Variants in KBTBD11 observed in about 807,000 individuals in gnomAD.
The protein encoded by KBTBD11 is kelch repeat and BTB domain containing 11, also known as kelch repeat and BTB domain-containing protein 11.
For synonymous variants in KBTBD11, 747 were observed against 499.0 expected (o/e 1.50, Z -6.63); for missense variants, 1,390 against 1,001.8 (o/e 1.39, Z -5.23).
At chr8:1,997,541 C>T (rs574067391) in intron 1 of KBTBD11, among the ~76,000 whole-genome samples, 33 of 152,344 alleles carry the variant, frequency 2.2e-4, no homozygotes, top group African/African-American at 4.8e-4. Context: ...AGGGCAGGCA[C>T]GTTCAGTGCT....
At chr8:1,979,733 G>A (rs1816476051) in intron 1 of KBTBD11, among the ~76,000 whole-genome samples, 1 of 146,110 alleles carries the variant, frequency 6.8e-6, no homozygotes, top group Non-Finnish European at 1.5e-5. Context: ...TAACCTTCCT[G>A]TTCAGAAAGG....
chr8:1,982,860 G>C (rs1435358285), intron 1 of KBTBD11, among the ~76,000 whole-genome samples: 1 of 151,862 alleles, frequency 6.6e-6, no homozygotes, highest in South Asian at 2.1e-4. Flanking sequence ...TGAGTAGCTG[G>C]GATTATAGGC....
intron 1 of KBTBD11, among the ~76,000 whole-genome samples, chr8:1,978,042 A>T (rs938668309): frequency 2.0e-5 from 3 of 152,182 alleles, no homozygotes; most frequent in Non-Finnish European, 4.4e-5. Flanking sequence ...CGGGAGGTGC[A>T]GTTTTGTTAC....
chr8:1,974,078 C>T (rs1816221147), intron 1 of KBTBD11, 143 bp downstream of exon 1: 2 of 484,510 alleles, frequency 4.1e-6, no homozygotes, highest in Non-Finnish European at 5.2e-6. Context: ...GGGAGGCCGG[C>T]AGGGGAGAGG....
chr8:2,001,103 G>A lies in KBTBD11; in HGVS notation c.-90G>A. The A allele has an allele frequency of 7.9e-7, 1 of 1,262,140 alleles. No homozygotes were observed. Among genetic ancestry groups the A allele is most frequent in the Non-Finnish European group, 1.0e-6 (1 of 1,003,884 alleles). 78.2% of individuals were successfully genotyped at this position (1,262,140 alleles called of 1,614,324 possible). On this transcript the variant is annotated 5_prime_UTR_variant, in exon 2 of 2. Transcript: ENST00000320248. Reference sequence around the variant, plus strand: ...ATCGCGTGCCAGGAAAAGCTGTGAGGCTGGAAACCCCGGAGTAAGGCTCGA... The same window carrying A: ...ATCGCGTGCCAGGAAAAGCTGTGAGACTGGAAACCCCGGAGTAAGGCTCGA...
At chr8:1,991,939 T>C (rs1816934403) in intron 1 of KBTBD11, among the ~76,000 whole-genome samples, 1 of 152,054 alleles carries the variant, frequency 6.6e-6, no homozygotes, top group African/African-American at 2.4e-5. Context: ...TGTGTGCTTA[T>C]TTCATCGCGG....
intron 1 of KBTBD11, among the ~76,000 whole-genome samples, chr8:1,995,176 A>C (rs1435277651): frequency 2.0e-5 from 3 of 152,090 alleles, no homozygotes; most frequent in Non-Finnish European, 4.4e-5. Context: ...TCAGTTACTC[A>C]AGAAACTCCA....
chr8:1,986,781 A>G (rs1402008812), intron 1 of KBTBD11, among the ~76,000 whole-genome samples: 2 of 152,222 alleles, frequency 1.3e-5, no homozygotes, highest in Non-Finnish European at 2.9e-5. Context: ...TTCAAACACC[A>G]TAATGCAATA....
chr8:1,985,976 ATCTGGATATGAAACTG>A (rs1198509721), intron 1 of KBTBD11, among the ~76,000 whole-genome samples: 3 of 152,266 alleles, frequency 2.0e-5, no homozygotes, highest in Non-Finnish European at 4.4e-5. Flanking sequence ...TTGCAGGACC[ATCTGGATATGAAACTG>A]TCTCTTCCTG....
rs1817582675 is a variant in KBTBD11, at chr8:2,006,692, G to A, written c.*3628G>A. The stretch of plus-strand genomic sequence containing the variant: ...TTGAACGCATATGAAACAGGAGACG[G>A]GTTCTCATGTGAGATCAAAGCTCCT... On this transcript the variant is annotated 3_prime_UTR_variant, in exon 2 of 2. Coordinates refer to ENST00000320248, the MANE Select transcript of KBTBD11 (RefSeq NM_014867.3). 1 of 167,090 alleles carries A rather than the reference G, an allele frequency of 6.0e-6. No homozygotes were observed. Among genetic ancestry groups the A allele is most frequent in the South Asian group, 2.1e-4 (1 of 4,826 alleles). The allele number at this position is 167,090 out of a possible 1,614,324, so 10.4% of individuals were successfully genotyped here.
intron 1 of KBTBD11, among the ~76,000 whole-genome samples, chr8:1,992,924 C>G (rs1190769552): frequency 2.0e-5 from 3 of 151,488 alleles, no homozygotes; most frequent in Non-Finnish European, 4.4e-5. Context: ...AGTTTAAAAA[C>G]TTGCTTTTAT....
At chr8:1,979,655 T>A (rs11781392) in intron 1 of KBTBD11, among the ~76,000 whole-genome samples, 1 of 151,608 alleles carries the variant, frequency 6.6e-6, no homozygotes, top group South Asian at 2.1e-4. Context: ...TAGTGACATT[T>A]GGACTGTGAT....
chr8:1,995,900 C>G (rs1385743682), intron 1 of KBTBD11, among the ~76,000 whole-genome samples: 1 of 152,070 alleles, frequency 6.6e-6, no homozygotes, highest in Non-Finnish European at 1.5e-5. Flanking sequence ...TGGTGCGCCC[C>G]CATAGTCACA....
chr8:1,977,176 A>C (rs1816376330), intron 1 of KBTBD11, among the ~76,000 whole-genome samples: 1 of 152,126 alleles, frequency 6.6e-6, no homozygotes. Flanking sequence ...CACGGAAGCC[A>C]AAAGATTGGA....
At chr8:1,996,280 T>G (rs1817134100) in intron 1 of KBTBD11, among the ~76,000 whole-genome samples, 1 of 152,128 alleles carries the variant, frequency 6.6e-6, no homozygotes, top group African/African-American at 2.4e-5. Flanking sequence ...GGAATTTTTT[T>G]TTTTGGACGG....
At chr8:1,998,194 T>A (rs1817214660) in intron 1 of KBTBD11, among the ~76,000 whole-genome samples, 1 of 152,066 alleles carries the variant, frequency 6.6e-6, no homozygotes, top group Non-Finnish European at 1.5e-5. Context: ...ATTCCAAAAT[T>A]CAAAAAATGG....
chr8:2,003,016 T>G lies in KBTBD11; in HGVS notation c.1824T>G (p.Ala608=). ...LDVRGVLIPF[A]LSLPEKPPRG... ...TCCGGGGTGTGCTCATCCCGTTCGC[T>G]CTCAGCCTGCCTGAGAAGCCGCCCC... Residue 608 remains alanine (A), a synonymous_variant, in exon 2 of 2, where the codon GCT becomes GCG. Transcript: ENST00000320248. 1.6e-6 allele frequency: 2 copies of G among 1,280,388 alleles called. No homozygotes were observed. Among genetic ancestry groups the G allele is most frequent in the Non-Finnish European group, 2.0e-6 (2 of 1,013,126 alleles). 79.3% of individuals were successfully genotyped at this position (1,280,388 alleles called of 1,614,324 possible).
Position 2,002,918 on chromosome 8 carries a change from G to T in KBTBD11, c.1726G>T (p.Ala576Ser). 1 of 1,322,290 alleles carries T rather than the reference G, an allele frequency of 7.6e-7. No individual in the cohort carries two copies. Among genetic ancestry groups the T allele is most frequent in the Admixed American group, 4.0e-5 (1 of 24,838 alleles). The allele number at this position is 1,322,290 out of a possible 1,614,324, so 81.9% of individuals were successfully genotyped here. A position where few individuals can be genotyped will look rare whatever the true frequency, so the allele number is the denominator to read the frequency against. The change falls in exon 2 of 2, where the codon GCC becomes TCC. Residue 576 changes from alanine to serine, a missense_variant. Ala to Ser is a moderately conservative substitution (Grantham distance 99). Transcript: ENST00000320248. The surrounding 1 kb of genome is among the most constrained non-coding windows in gnomAD (Gnocchi z 4.1). ...CGCGGGCACCTGGCGCTTCCAGCCT[G>T]CCCGGGAAGGCGAGGCCGGCGGCGA... ...SRAGTWRFQPAREGEAGGDAG... is the reference protein window; with the variant it reads ...SRAGTWRFQPSREGEAGGDAG...
In KBTBD11 at chr8:2,002,870, G is replaced by C; in HGVS notation, c.1678G>C (p.Gly560Arg). The change falls in exon 2 of 2, where the codon GGC (glycine) becomes CGC (arginine). Residue 560 changes from glycine (G) to arginine (R), a missense_variant. Transcript: ENST00000320248. This position sits in a 1 kb window ranked among gnomAD's most constrained non-coding sequence, Gnocchi z 4.1. The stretch of plus-strand genomic sequence containing the variant: ...GCCCTTCCGCTGCGCCGCCCTGGAC[G>C]GCGCCATCTACTGCGTGAGCCGCGC... ...LQPFRCAALD[G>R]AIYCVSRAGT... 7.4e-7 allele frequency: 1 copy of C among 1,352,510 alleles called. No homozygotes were observed. The highest frequency in any genetic ancestry group is 9.4e-7 in the Non-Finnish European group (1 of 1,059,264). 83.8% of individuals were successfully genotyped at this position (1,352,510 alleles called of 1,614,324 possible). A position where few individuals can be genotyped will look rare whatever the true frequency, so the allele number is the denominator to read the frequency against.
Sources: allele counts gnomAD v4.1 joint callset (sites outside exome capture counted in the v4.1 genomes callset), GRCh38; gene constraint gnomAD v4.1.1; non-coding constraint Gnocchi (gnomAD v3.1); transcripts MANE v1.5; gene names NCBI Gene and HGNC (gene_info 2026-07-23, HGNC 2026-07-21).